The following SOX6 variants were observed in gnomAD, a reference collection of about 807,000 sequenced individuals.
SOX6 encodes SRY-box transcription factor 6.
In SOX6, 11 loss-of-function variants were observed where a neutral mutation model predicts 97.8. The observed-to-expected ratio is 0.11, with a 90% CI of 0.07 to 0.19. The LOEUF is 0.19. SOX6 is among the 10% of genes least tolerant of loss of function. The pLI is 1.00. For missense variants in SOX6, 810 were observed against 1,039.5 expected, an observed-to-expected ratio of 0.78 and a Z score of 3.04; for synonymous variants, 360 against 371.4, an observed-to-expected ratio of 0.97 and a Z score of 0.35.
Position 15,973,054 on chromosome 11 carries a change from T to C in SOX6, c.2242A>G (p.Thr748Ala), listed in dbSNP as rs1853365318. The change falls in exon 16 of 16, where the codon ACT becomes GCT. Residue 748 changes from threonine to alanine, a missense_variant. Physicochemically the swap from Thr to Ala is moderately conservative, Grantham distance 58. Coordinates refer to ENST00000683767, the MANE Select transcript of SOX6 (RefSeq NM_001367873.1). ...GGCGATGGTGTGGTAGTTGCCATAGTGATAGCACCAGGATACACAACACCT... is the reference window on the plus strand; with the variant it reads ...GGCGATGGTGTGGTAGTTGCCATAGCGATAGCACCAGGATACACAACACCT... The part of the protein sequence containing the change: ...GTGVVYPGAI[T>A]MATTTPSPQM... 1.9e-6 allele frequency: 3 copies of C among 1,614,142 alleles called. No homozygotes were observed. In the East Asian group the frequency reaches 6.7e-5, roughly 36 times the overall value.
intron 6 of SOX6, among the ~76,000 whole-genome samples, chr11:16,125,510 G>A (rs943056989): frequency 2.0e-5 from 3 of 152,050 alleles, no homozygotes; most frequent in Non-Finnish European, 1.5e-5. Flanking sequence ...GGGGAGTTGA[G>A]ACTAATGTCA....
intron 4 of SOX6, among the ~76,000 whole-genome samples, chr11:16,568,529 T>A (rs773940816): frequency 2.0e-5 from 3 of 152,132 alleles, no homozygotes; most frequent in Non-Finnish European, 4.4e-5. Context: ...TGCATAACAC[T>A]GTGAATGTAC....
In SOX6 at chr11:16,676,344, G is replaced by A. The variant is rs987636392; in HGVS notation, n.429+38486C>T. Among the ~76,000 whole-genome samples, 57 of 152,060 alleles carry A rather than the reference G, an allele frequency of 3.7e-4. 1 individual carries two copies. The highest frequency in any genetic ancestry group is 3.7e-3 in the Admixed American group (56 of 15,252). On this transcript the variant is annotated intron_variant and non_coding_transcript_variant, in intron 3 of 5. Transcript: ENST00000524520. ...TATTTGCAAATTGTTTCCTTTAGCT[G>A]TTTGAGAATATTTAAAATAATTGAT...
chr11:15,976,110 A>C (rs1470467475), intron 15 of SOX6, among the ~76,000 whole-genome samples: 2 of 152,168 alleles, frequency 1.3e-5, no homozygotes, highest in Non-Finnish European at 2.9e-5. Flanking sequence ...CCTTGAGGAA[A>C]TGAAGGGAGT....
At chr11:16,082,131 T>C (rs1019045737) in intron 9 of SOX6, among the ~76,000 whole-genome samples, 4 of 152,210 alleles carry the variant, frequency 2.6e-5, no homozygotes, top group African/African-American at 9.6e-5. Flanking sequence ...CCCATCTTTT[T>C]AGAATCAGCC....
intron 4 of SOX6, among the ~76,000 whole-genome samples, chr11:16,516,898 T>C (rs556940590): frequency 6.1e-5 from 9 of 148,650 alleles, no homozygotes; most frequent in African/African-American, 1.3e-4. Flanking sequence ...TAGATCAATA[T>C]CCTTGATGAA....
intron 9 of SOX6, among the ~76,000 whole-genome samples, chr11:16,061,467 C>T (rs1847952041): frequency 1.3e-5 from 2 of 151,482 alleles, no homozygotes; most frequent in Non-Finnish European, 3.0e-5. Flanking sequence ...ACCATACTGC[C>T]CCCAAAGAAT....
intron 7 of SOX6, among the ~76,000 whole-genome samples, chr11:16,107,356 T>C (rs1849112956): frequency 6.7e-6 from 1 of 148,884 alleles, no homozygotes; most frequent in Non-Finnish European, 1.5e-5. Context: ...TATCAACAGA[T>C]GAACAGATAA....
chr11:16,338,022 T>A (rs1211924784), intron 2 of SOX6, among the ~76,000 whole-genome samples: 1 of 152,046 alleles, frequency 6.6e-6, no homozygotes, highest in African/African-American at 2.4e-5. Context: ...CATTTCAAAG[T>A]AAAACCCTTC....
chr11:16,202,952 A>T (rs531163367), intron 4 of SOX6, among the ~76,000 whole-genome samples: 5 of 152,180 alleles, frequency 3.3e-5, no homozygotes, highest in Admixed American at 2.6e-4. Flanking sequence ...GGGAAAAAAA[A>T]GATTCTGCCA....
chr11:16,166,730 G>A (rs1246527058), intron 6 of SOX6, among the ~76,000 whole-genome samples: 4 of 152,154 alleles, frequency 2.6e-5, no homozygotes, highest in Admixed American at 6.5e-5. Flanking sequence ...ATCAGTGAAG[G>A]CTTCATGGAA....
intron 4 of SOX6, among the ~76,000 whole-genome samples, chr11:16,187,694 G>A (rs978364814): frequency 2.0e-5 from 3 of 152,132 alleles, no homozygotes; most frequent in African/African-American, 7.2e-5. Flanking sequence ...TATGCATAAG[G>A]ATATGCTGTT....
intron 12 of SOX6, among the ~76,000 whole-genome samples, chr11:16,034,844 T>C (rs1387530444): frequency 6.6e-6 from 1 of 150,924 alleles, no homozygotes; most frequent in Non-Finnish European, 1.5e-5. Flanking sequence ...TGCAGAGAGG[T>C]GCACACTGAG....
At chr11:16,545,228 A>C (rs1304408375) in intron 4 of SOX6, among the ~76,000 whole-genome samples, 2 of 152,106 alleles carry the variant, frequency 1.3e-5, no homozygotes, top group African/African-American at 4.8e-5. Context: ...TCTAACATAC[A>C]TATGAGCTCT....
chr11:16,352,826 T>G (rs1856984192), intron 1 of SOX6, among the ~76,000 whole-genome samples: 1 of 152,008 alleles, frequency 6.6e-6, no homozygotes, highest in Non-Finnish European at 1.5e-5. Flanking sequence ...TTAACAACTT[T>G]AAAAAAGAGA....
intron 11 of SOX6, among the ~76,000 whole-genome samples, chr11:16,047,974 G>C (rs1233395484): frequency 6.6e-6 from 1 of 152,020 alleles, no homozygotes; most frequent in Non-Finnish European, 1.5e-5. Context: ...CGAGAGTGCT[G>C]TTCAAACACA....
At chr11:16,492,943 A>T (rs1860534709) in intron 4 of SOX6, among the ~76,000 whole-genome samples, 1 of 152,228 alleles carries the variant, frequency 6.6e-6, no homozygotes, top group Admixed American at 6.5e-5. Context: ...CAGAATGTTT[A>T]AACTATAAAG....
intron 3 of SOX6, among the ~76,000 whole-genome samples, chr11:16,684,577 T>C (rs1164211180): frequency 7.1e-6 from 1 of 140,346 alleles, no homozygotes; most frequent in East Asian, 2.3e-4. Flanking sequence ...CCAGGGCCTA[T>C]TGGCGGGGTG....
chr11:16,575,668 C>T (rs1429581535), intron 4 of SOX6, among the ~76,000 whole-genome samples: 1 of 151,982 alleles, frequency 6.6e-6, no homozygotes, highest in Non-Finnish European at 1.5e-5. Flanking sequence ...CGGGCAAAAT[C>T]GAACTATATT....
Sources: allele counts gnomAD v4.1 joint callset (sites outside exome capture counted in the v4.1 genomes callset), GRCh38; gene constraint gnomAD v4.1.1; transcripts MANE v1.5; gene names NCBI Gene and HGNC (gene_info 2026-07-23, HGNC 2026-07-21).